The following ANKH variants were observed in gnomAD, a reference collection of about 807,000 sequenced individuals.
ANKH encodes ANKH inorganic pyrophosphate transport regulator.
In ANKH, 15 loss-of-function variants were observed where a neutral mutation model predicts 49.0. That is an observed-to-expected ratio of 0.31 (90% CI 0.20 to 0.47). The LOEUF is 0.47. Ranked by LOEUF, ANKH falls within the 20% of genes least tolerant of loss-of-function variation. The pLI is 1.00. For synonymous variants in ANKH, 273 were observed against 260.0 expected, an observed-to-expected ratio of 1.05 and a Z score of -0.48; for missense variants, 429 against 652.0, an observed-to-expected ratio of 0.66 and a Z score of 3.72.
At chr5:14,765,993 A>G (rs564709410) in intron 2 of ANKH, among the ~76,000 whole-genome samples, 2 of 152,340 alleles carry the variant, frequency 1.3e-5, no homozygotes, top group Admixed American at 1.3e-4. Flanking sequence ...TAAGATAGAG[A>G]ACATCACGTT....
chr5:14,818,952 T>C (rs1741122667), intron 1 of ANKH, among the ~76,000 whole-genome samples: 1 of 152,204 alleles, frequency 6.6e-6, no homozygotes, highest in Non-Finnish European at 1.5e-5. Flanking sequence ...CTAATTTTCT[T>C]AAATCATACA....
At chr5:14,764,942 C>G (rs1739211989) in intron 2 of ANKH, among the ~76,000 whole-genome samples, 1 of 152,214 alleles carries the variant, frequency 6.6e-6, no homozygotes, top group Admixed American at 6.5e-5. Context: ...AAGTTAAAAT[C>G]CACAGCAGCG....
rs560965416 is a variant in ANKH, at chr5:14,862,093, G to A, written c.96+9259C>T. 2.6e-5 allele frequency among the ~76,000 whole-genome samples: 4 copies of A among 152,250 alleles called. No homozygotes were observed. The East Asian group carries it at 7.7e-4, about 29-fold the overall frequency. On this transcript the variant is annotated intron_variant, in intron 1 of 11. Coordinates refer to ENST00000284268, the MANE Select transcript of ANKH (RefSeq NM_054027.6). ...TCTACCAAAAATATGGAAATCAGCT[G>A]GGCATGGTGGCACATGCCTCTAATC...
chr5:14,845,351 T>A (rs1332167606), intron 1 of ANKH, among the ~76,000 whole-genome samples: 1 of 46,832 alleles, frequency 2.1e-5, no homozygotes, highest in Non-Finnish European at 7.8e-5. Context: ...TTCATGTGTA[T>A]ATATATATAT....
chr5:14,782,776 G>A (rs1323631189), intron 1 of ANKH, among the ~76,000 whole-genome samples: 1 of 152,190 alleles, frequency 6.6e-6, no homozygotes, highest in Non-Finnish European at 1.5e-5. Context: ...GTGCAATCAT[G>A]ACTGTGAAGC....
intron 1 of ANKH, chr5:14,797,879 A>T: frequency 6.2e-7 from 1 of 1,612,052 alleles, no homozygotes. Flanking sequence ...TCTGATGTCC[A>T]CGGAGACGCA....
Position 14,745,860 on chromosome 5 carries a change from G to A in ANKH, c.915+10C>T, listed in dbSNP as rs760338906. The A allele has an allele frequency of 2.0e-5, 33 of 1,613,586 alleles. 1 individual carries two copies. The highest frequency in any genetic ancestry group is 1.2e-4 in the South Asian group (11 of 91,074). On this transcript the variant is annotated intron_variant, in intron 7 of 11. Transcript: ENST00000284268. This position sits in a 1 kb window ranked among gnomAD's most constrained non-coding sequence, Gnocchi z 4.7. ...GCATGTTTCAGACACGACACCGCACGGGTTCTCACCTTGTCGAAAGCAGGA... is the reference window on the plus strand; with the variant it reads ...GCATGTTTCAGACACGACACCGCACAGGTTCTCACCTTGTCGAAAGCAGGA...
chr5:14,755,494 A>G (rs1415044593), intron 4 of ANKH, among the ~76,000 whole-genome samples: 2 of 152,216 alleles, frequency 1.3e-5, no homozygotes, highest in Non-Finnish European at 2.9e-5. Context: ...TCATAGTGAT[A>G]GGCCACGCAG....
At chr5:14,786,383 C>T (rs1025896196) in intron 1 of ANKH, among the ~76,000 whole-genome samples, 3 of 152,120 alleles carry the variant, frequency 2.0e-5, no homozygotes, top group African/African-American at 4.8e-5. Flanking sequence ...AATCTGATGG[C>T]GTTCCAGTCA....
At chr5:14,871,160 T>G (rs1375947984) in intron 1 of ANKH, 192 bp downstream of exon 1, 2 of 683,292 alleles carry the variant, frequency 2.9e-6, no homozygotes, top group East Asian at 5.6e-5. Flanking sequence ...GCTGGAAAAG[T>G]CTGCTGAATA....
chr5:14,845,459 C>T (rs76490386), intron 1 of ANKH, among the ~76,000 whole-genome samples: 2,434 of 152,012 alleles, frequency 0.016, 67 homozygotes, highest in African/African-American at 0.056. Context: ...GTACATGTCC[C>T]GGAGGAGCTA....
chr5:14,771,941 AAAAAAACC>A (rs1739453463), intron 1 of ANKH, among the ~76,000 whole-genome samples: 2 of 150,424 alleles, frequency 1.3e-5, no homozygotes, highest in South Asian at 2.1e-4. Flanking sequence ...AAAAAAAAAA[AAAAAAACC>A]AAAACAAAAC....
At chr5:14,830,994 A>G (rs535746570) in intron 1 of ANKH, among the ~76,000 whole-genome samples, 1 of 152,302 alleles carries the variant, frequency 6.6e-6, no homozygotes, top group South Asian at 2.1e-4. Flanking sequence ...GCCTTCATAG[A>G]AAGTTAAATC....
In ANKH at chr5:14,758,576, G is replaced by A. The variant is rs1257743727; in HGVS notation, c.336C>T (p.Tyr112=). ...CCACATGGTGCAGTTTATTGATAAT[G>A]TAGTATCCTAAATCACTATAAGCTG... ...TLIAYSDLGY[Y]IINKLHHVDE... is the part of the protein sequence containing the mutation. Residue 112 remains tyrosine, a synonymous_variant, in exon 3 of 12, where the codon TAC becomes TAT. Transcript: ENST00000284268. 1.2e-6 allele frequency: 2 copies of A among 1,613,348 alleles called. No individual in the cohort carries two copies. The highest frequency in any genetic ancestry group is 1.7e-6 in the Non-Finnish European group (2 of 1,179,262).
intron 8 of ANKH, among the ~76,000 whole-genome samples, chr5:14,740,212 A>G (rs1738310844): frequency 6.6e-6 from 1 of 152,176 alleles, no homozygotes; most frequent in African/African-American, 2.4e-5. Context: ...GGTCCAAGTC[A>G]CAGGGCCTCA....
chr5:14,773,254 T>G (rs746684692), intron 1 of ANKH, among the ~76,000 whole-genome samples: 2 of 152,168 alleles, frequency 1.3e-5, no homozygotes, highest in Non-Finnish European at 2.9e-5. Flanking sequence ...GTGTTAATCT[T>G]GGATGGTATC....
At chr5:14,828,382 T>C (rs192902327) in intron 1 of ANKH, among the ~76,000 whole-genome samples, 2 of 152,110 alleles carry the variant, frequency 1.3e-5, no homozygotes, top group Non-Finnish European at 1.5e-5. Flanking sequence ...CAGCCAGGCA[T>C]GGTGGTGGGT....
In ANKH at chr5:14,779,057, T is replaced by A. The variant is rs137884986; in HGVS notation, c.97-9866A>T. ...CATCTGGAATGTGGAACCCATCAGG[T>A]AGAAACTAAATTTCTTATTGCTTCT... On this transcript the variant is annotated intron_variant, in intron 1 of 11. Coordinates refer to ENST00000284268, the MANE Select transcript of ANKH (RefSeq NM_054027.6). 8.3e-4 allele frequency among the ~76,000 whole-genome samples: 126 copies of A among 152,322 alleles called. 1 individual carries two copies. In the East Asian group the frequency reaches 0.015, roughly 18 times the overall value.
chr5:14,805,431 ATATATATGTG>A (rs1740678095), intron 1 of ANKH, among the ~76,000 whole-genome samples: 2 of 118,840 alleles, frequency 1.7e-5, no homozygotes, highest in Non-Finnish European at 3.5e-5. Flanking sequence ...TCCTATAAAC[ATATATATGTG>A]TGTGTGTATA....
Sources: gnomAD v4.1 joint callset for allele counts (sites outside exome capture counted in the v4.1 genomes callset) on GRCh38, gnomAD v4.1.1 for gene constraint, Gnocchi (gnomAD v3.1) non-coding constraint, MANE v1.5 for transcripts, NCBI Gene and HGNC (gene_info 2026-07-23, HGNC 2026-07-21) for gene names.